Variants in FGF3 observed in about 807,000 individuals in gnomAD.
FGF3 encodes fibroblast growth factor 3, also known as FGF-3.
In FGF3, 7 loss-of-function variants were observed where a neutral mutation model predicts 9.8. The ratio of observed to expected loss-of-function variants is 0.72; its 90% CI spans 0.41 to 1.35. The LOEUF (loss-of-function observed/expected upper bound fraction) is 1.35, where lower values mean the gene tolerates loss of function less well. Among genes scored for constraint, FGF3 ranks in the 40% most tolerant of loss-of-function variants. The pLI, the probability that FGF3 is intolerant of heterozygous loss-of-function variation, is 0.01. For missense variants in FGF3, 390 were observed against 345.6 expected, an observed-to-expected ratio of 1.13 and a Z score of -1.02; for synonymous variants, 173 against 157.2, an observed-to-expected ratio of 1.10 and a Z score of -0.75.
chr11:69,818,844 G>T lies in FGF3; in HGVS notation c.90C>A (p.Gly30=), dbSNP rs1417490132. 1.4e-6 allele frequency: 2 copies of T among 1,472,206 alleles called. No homozygotes were observed. The highest frequency in any genetic ancestry group is 1.8e-6 in the Non-Finnish European group (2 of 1,118,164). 91.2% of individuals were successfully genotyped at this position (1,472,206 alleles called of 1,614,324 possible). ...GGTGCTCGTAGACGCCGCCACGGCC[G>T]CCCGCATCGCGCCGCAACCGCGCCC... ...GPGARLRRDA[G]GRGGVYEHLG... Residue 30 remains glycine (G), a synonymous_variant, in exon 1 of 3, where the codon GGC becomes GGA. Coordinates refer to ENST00000334134, the MANE Select transcript of FGF3 (RefSeq NM_005247.4).
intron 2 of FGF3, among the ~76,000 whole-genome samples, chr11:69,811,355 C>A (rs1856026665): frequency 6.8e-6 from 1 of 147,974 alleles, no homozygotes; most frequent in South Asian, 2.1e-4. Flanking sequence ...GAGGCTTAGG[C>A]AGGAGAATCA....
chr11:69,818,739 G>A lies in FGF3; in HGVS notation c.195C>T (p.Asn65=). The part of the protein sequence containing the change: ...HLQLHPSGRV[N]GSLENSAYSI... ...TGTAGGCGCTGTTCTCCAGGCTGCCGTTGACGCGGCCGCTCGGGTGCAGCT... is the reference window on the plus strand; with the variant it reads ...TGTAGGCGCTGTTCTCCAGGCTGCCATTGACGCGGCCGCTCGGGTGCAGCT... The change falls in exon 1 of 3, where the codon AAC becomes AAT. Residue 65 remains asparagine, a synonymous_variant. Transcript: ENST00000334134. 6.7e-7 allele frequency: 1 copy of A among 1,494,130 alleles called. No homozygotes were observed. Among genetic ancestry groups the A allele is most frequent in the Non-Finnish European group, 8.9e-7 (1 of 1,128,398 alleles). 92.6% of individuals were successfully genotyped at this position (1,494,130 alleles called of 1,614,324 possible). A position where few individuals can be genotyped will look rare whatever the true frequency, so the allele number is the denominator to read the frequency against.
chr11:69,814,377 T>G (rs1452319177), intron 2 of FGF3, among the ~76,000 whole-genome samples: 3 of 150,772 alleles, frequency 2.0e-5, no homozygotes, highest in African/African-American at 4.9e-5. Context: ...TGAGAGTGAG[T>G]GGCTGGTGGG....
At chr11:69,818,584 C>G in intron 1 of FGF3, 130 bp downstream of exon 1, 1 of 609,704 alleles carries the variant, frequency 1.6e-6, no homozygotes, top group Non-Finnish European at 2.5e-6. Context: ...CCCGGGCGCA[C>G]CATGCCTTCT....
At chr11:69,817,638 T>C (rs1554981240) in intron 1 of FGF3, 1 of 152,198 alleles carries the variant, frequency 6.6e-6, no homozygotes, top group African/African-American at 2.4e-5. Context: ...CAGGACGCCC[T>C]CTCAGGGCTG....
At chr11:69,813,232 G>C (rs1554980616) in intron 2 of FGF3, among the ~76,000 whole-genome samples, 2 of 152,178 alleles carry the variant, frequency 1.3e-5, no homozygotes, top group Non-Finnish European at 2.9e-5. Context: ...TTCTGGAGGA[G>C]GGCGTTCCAG....
rs562523582 is a variant in FGF3 at position 69,810,014 on chromosome 11, C to T, written c.*291G>A. On this transcript the variant is annotated 3_prime_UTR_variant, in exon 3 of 3. Transcript: ENST00000334134. ...TGTGATGACACAAAGCCCCACACTG[C>T]CCCGCTGCTCCTGGGAGGCTCCTCA... The T allele has an allele frequency of 1.3e-4, 54 of 430,986 alleles. 1 individual carries two copies. The South Asian group carries it at 3.0e-3, about 24-fold the overall frequency. 26.7% of individuals were successfully genotyped at this position (430,986 alleles called of 1,614,324 possible).
Position 69,819,343 on chromosome 11 carries a change from C to T in FGF3, c.-410G>A, listed in dbSNP as rs923965349. On this transcript the variant is annotated 5_prime_UTR_variant, in exon 1 of 3. Coordinates refer to ENST00000334134, the MANE Select transcript of FGF3 (RefSeq NM_005247.4). The stretch of plus-strand genomic sequence containing the variant: ...CCGGGCGCCGTCTGCATACACTCGC[C>T]GCCAGCGCACCGCCGTCGAGCCGCG... 1.3e-5 allele frequency among the ~76,000 whole-genome samples: 2 copies of T among 151,616 alleles called. No individual in the cohort carries two copies. Among genetic ancestry groups the T allele is most frequent in the East Asian group, 4.0e-4 (2 of 5,056 alleles).
At chr11:69,814,410 G>A (rs564925534) in intron 2 of FGF3, among the ~76,000 whole-genome samples, 13 of 151,964 alleles carry the variant, frequency 8.6e-5, no homozygotes, top group Admixed American at 3.3e-4. Flanking sequence ...ATGGGGAGTC[G>A]GGGAGCTGCT....
Position 69,810,228 on chromosome 11 carries a change from C to G in FGF3, c.*77G>C. 7.3e-7 allele frequency: 1 copy of G among 1,366,336 alleles called. No homozygotes were observed. The highest frequency in any genetic ancestry group is 9.8e-7 in the Non-Finnish European group (1 of 1,015,264). The allele number at this position is 1,366,336 out of a possible 1,614,324, so 84.6% of individuals were successfully genotyped here. On this transcript the variant is annotated 3_prime_UTR_variant, in exon 3 of 3. Transcript: ENST00000334134. Reference sequence around the variant, plus strand: ...GACGCGGGACGCAGGGGCAAGGGCTCAAGGAGGAGAGTCAGAGTCAAGAGG... The same window carrying G: ...GACGCGGGACGCAGGGGCAAGGGCTGAAGGAGGAGAGTCAGAGTCAAGAGG...
chr11:69,819,311 G>A lies in FGF3; in HGVS notation c.-378C>T, dbSNP rs1856201318. ...GGTGGGGAGCCCCGCGGGGCTCGGG[G>A]TTCGGGCCGGGCGCCGTCTGCATAC... On this transcript the variant is annotated 5_prime_UTR_variant, in exon 1 of 3. Transcript: ENST00000334134. 6.6e-6 allele frequency among the ~76,000 whole-genome samples: 1 copy of A among 151,372 alleles called. No individual in the cohort carries two copies. Among genetic ancestry groups the A allele is most frequent in the South Asian group, 2.1e-4 (1 of 4,812 alleles).
intron 1 of FGF3, among the ~76,000 whole-genome samples, chr11:69,818,195 G>T (rs1247076512): frequency 6.6e-6 from 1 of 152,246 alleles, no homozygotes; most frequent in African/African-American, 2.4e-5. Context: ...GCAGCCGCGA[G>T]CGGGGAGGGC....
rs1554981447 is a variant in FGF3 at position 69,818,892 on chromosome 11, G to C, written c.42C>G (p.Pro14=). Residue 14 remains proline (P), a synonymous_variant, in exon 1 of 3, where the codon CCC becomes CCG. Coordinates refer to ENST00000334134, the MANE Select transcript of FGF3 (RefSeq NM_005247.4). ...IWLLLLSLLE[P]GWPAAGPGAR... ...CCCCAGGGCCCGCTGCGGGCCAGCC[G>C]GGCTCCAGCAGGCTGAGCAGTAGCA... The C allele has an allele frequency of 6.8e-7, 1 of 1,465,092 alleles. No individual in the cohort carries two copies. Among genetic ancestry groups the C allele is most frequent in the Non-Finnish European group, 9.0e-7 (1 of 1,114,590 alleles). 90.8% of individuals were successfully genotyped at this position (1,465,092 alleles called of 1,614,324 possible).
At chr11:69,813,768 G>GGA (rs1856072024) in intron 2 of FGF3, among the ~76,000 whole-genome samples, 3 of 68,122 alleles carry the variant, frequency 4.4e-5, no homozygotes, top group East Asian at 5.7e-4. Context: ...GGGTGGATGG[G>GGA]TGGATGGATG....
chr11:69,813,192 G>C (rs1856055271), intron 2 of FGF3, among the ~76,000 whole-genome samples: 1 of 152,212 alleles, frequency 6.6e-6, no homozygotes, highest in African/African-American at 2.4e-5. Flanking sequence ...GGAGCTGTAA[G>C]GGCGGGGCGG....
At chr11:69,815,107 GTGGA>G (rs59823352) in intron 2 of FGF3, among the ~76,000 whole-genome samples, 18 of 147,676 alleles carry the variant, frequency 1.2e-4, no homozygotes, top group East Asian at 8.2e-4. Context: ...GGGTGGATAG[GTGGA>G]TGGATGGATG....
chr11:69,811,541 C>T, intron 2 of FGF3, among the ~76,000 whole-genome samples: 1 of 151,908 alleles, frequency 6.6e-6, no homozygotes, highest in South Asian at 2.1e-4. Flanking sequence ...GAAGGGGACA[C>T]AGCCAGGTTT....
rs1554981419 is a variant in FGF3 at position 69,818,853 on chromosome 11, G to C, written c.81C>G (p.Arg27=). Residue 27 remains arginine, a synonymous_variant, in exon 1 of 3, where the codon CGC becomes CGG. Coordinates refer to ENST00000334134, the MANE Select transcript of FGF3 (RefSeq NM_005247.4). ...AGACGCCGCCACGGCCGCCCGCATC[G>C]CGCCGCAACCGCGCCCCAGGGCCCG... The part of the protein sequence containing the change: ...PAAGPGARLR[R]DAGGRGGVYE... 2.0e-6 allele frequency: 3 copies of C among 1,467,482 alleles called. No homozygotes were observed. Among genetic ancestry groups the C allele is most frequent in the African/African-American group, 1.5e-5 (1 of 67,886 alleles). The allele number at this position is 1,467,482 out of a possible 1,614,324, so 90.9% of individuals were successfully genotyped here. A position where few individuals can be genotyped will look rare whatever the true frequency, so the allele number is the denominator to read the frequency against.
intron 1 of FGF3, among the ~76,000 whole-genome samples, chr11:69,818,400 C>G (rs1352062321): frequency 6.6e-6 from 1 of 152,120 alleles, no homozygotes; most frequent in Non-Finnish European, 1.5e-5. Flanking sequence ...ACCAGCGGGC[C>G]GGACCGGGGA....
Sources: gnomAD v4.1 joint callset for allele counts (sites outside exome capture counted in the v4.1 genomes callset) on GRCh38, gnomAD v4.1.1 for gene constraint, MANE v1.5 for transcripts, NCBI Gene and HGNC (gene_info 2026-07-23, HGNC 2026-07-21) for gene names.